Variants in ATP7A observed in about 807,000 individuals in gnomAD.
ATP7A encodes ATPase copper transporting alpha, also known as copper-transporting ATPase 1.
In ATP7A, 7 loss-of-function variants were observed where a neutral mutation model predicts 83.5. The ratio of observed to expected loss-of-function variants is 0.08; its 90% CI spans 0.05 to 0.16. The LOEUF is 0.16. Ranked by LOEUF, ATP7A falls within the 10% of genes least tolerant of loss-of-function variation. The probability of loss-of-function intolerance (pLI) is 1.00; values close to 1 mark genes in which losing one functional copy is unlikely to be tolerated. For synonymous variants in ATP7A, 354 were observed against 395.2 expected (o/e 0.90, Z 1.24); for missense variants, 940 against 1,120.8 (o/e 0.84, Z 2.30).
At chrX:78,016,672 G>A (rs2077866477) in intron 12 of ATP7A, among the ~76,000 whole-genome samples, 1 of 111,636 alleles carries the variant, frequency 9.0e-6, no homozygotes. Context: ...GGGACTACAG[G>A]CCCCATGCAA....
intron 2 of ATP7A, among the ~76,000 whole-genome samples, chrX:77,982,865 A>G (rs2077612261): frequency 8.9e-6 from 1 of 112,004 alleles, no homozygotes; most frequent in African/African-American, 3.2e-5. Flanking sequence ...CAGCTATAAG[A>G]AAATACCATA....
intron 1 of ATP7A, chrX:77,962,711 G>C (rs1189118373): frequency 1.3e-5 from 5 of 384,872 alleles, no homozygotes; most frequent in African/African-American, 2.6e-5. Context: ...TAGACCTGCT[G>C]GAGGAAGTGG....
chrX:78,021,098 C>A lies in ATP7A; in HGVS notation c.2916+19C>A. The stretch of plus-strand genomic sequence containing the variant: ...CTTTCCTGTAAGTGACTTGTAATAA[C>A]TCGTTACTATATGCAGAACAATTTG... On this transcript the variant is annotated intron_variant, in intron 14 of 22. Transcript: ENST00000341514. The A allele has an allele frequency of 8.4e-7, 1 of 1,189,980 alleles. No individual in the cohort carries two copies. Among genetic ancestry groups the A allele is most frequent in the Non-Finnish European group, 1.1e-6 (1 of 878,720 alleles).
At chrX:78,035,789 G>A (rs2078009851) in intron 17 of ATP7A, among the ~76,000 whole-genome samples, 2 of 111,470 alleles carry the variant, frequency 1.8e-5, no homozygotes, top group African/African-American at 6.5e-5. Context: ...CATCTATCTC[G>A]TGAACTTACG....
chrX:78,031,280 T>C, intron 15 of ATP7A, 120 bp from the exon 16 acceptor site: 1 of 696,375 alleles, frequency 1.4e-6, no homozygotes, highest in Non-Finnish European at 2.2e-6. Flanking sequence ...TCAAATTAAG[T>C]CAAAGGTCAG....
intron 2 of ATP7A, among the ~76,000 whole-genome samples, chrX:77,986,530 C>G (rs1479886097): frequency 9.0e-6 from 1 of 111,667 alleles, no homozygotes; most frequent in African/African-American, 3.3e-5. Context: ...TTTCCCTCCA[C>G]TTTAACCTCT....
At chrX:78,010,834 C>T (rs1433332736) in intron 7 of ATP7A, among the ~76,000 whole-genome samples, 1 of 110,159 alleles carries the variant, frequency 9.1e-6, no homozygotes, top group Non-Finnish European at 1.9e-5. Flanking sequence ...CCACCTTGGC[C>T]TCCCAAAGTG....
intron 3 of ATP7A, 63 bp from the exon 4 acceptor site, chrX:77,989,170 C>T: frequency 1.9e-6 from 2 of 1,074,932 alleles, no homozygotes; most frequent in Non-Finnish European, 2.5e-6. Flanking sequence ...ATTTAGAAAA[C>T]AGAATGTTTT....
chrX:77,957,749 GTAGTTTCA>G (rs1557227569), intron 1 of ATP7A, among the ~76,000 whole-genome samples: 1 of 110,460 alleles, frequency 9.1e-6, no homozygotes, highest in South Asian at 3.8e-4. Context: ...TTTTTTTTTA[GTAGTTTCA>G]TAGTTTCAGA....
chrX:78,010,249 G>A (rs1169080559), intron 7 of ATP7A, among the ~76,000 whole-genome samples: 1 of 112,138 alleles, frequency 8.9e-6, no homozygotes, highest in Admixed American at 9.5e-5. Flanking sequence ...GTTAAGAGAA[G>A]TTAAGTTACT....
At chrX:77,960,464 G>A (rs1466821986) in intron 1 of ATP7A, among the ~76,000 whole-genome samples, 1 of 112,574 alleles carries the variant, frequency 8.9e-6, no homozygotes, top group Non-Finnish European at 1.9e-5. Flanking sequence ...TGATTATTGA[G>A]AATACAGGAG....
intron 12 of ATP7A, among the ~76,000 whole-genome samples, chrX:78,017,516 G>A (rs1301723442): frequency 8.9e-6 from 1 of 111,783 alleles, no homozygotes; most frequent in Non-Finnish European, 1.9e-5. Flanking sequence ...CTTTTCTATT[G>A]CATTGTCAGG....
chrX:78,010,570 C>CTTTTT (rs5902761), intron 7 of ATP7A, among the ~76,000 whole-genome samples: 3 of 51,589 alleles, frequency 5.8e-5, no homozygotes, highest in Non-Finnish European at 9.7e-5. Context: ...ATGGTGCTAG[C>CTTTTT]TTTTTTTTTT....
chrX:77,971,138 G>A (rs2077544261), intron 1 of ATP7A, among the ~76,000 whole-genome samples: 1 of 111,901 alleles, frequency 8.9e-6, no homozygotes, highest in African/African-American at 3.3e-5. Flanking sequence ...ACAGCCAGGA[G>A]GCCAGTATGA....
At chrX:78,012,157 T>C in intron 9 of ATP7A, among the ~76,000 whole-genome samples, 1 of 111,469 alleles carries the variant, frequency 9.0e-6, no homozygotes, top group Admixed American at 9.6e-5. Flanking sequence ...AGTTCATTAC[T>C]TTCTGTATGT....
intron 1 of ATP7A, among the ~76,000 whole-genome samples, chrX:77,925,263 G>A (rs2077235614): frequency 9.0e-6 from 1 of 111,410 alleles, no homozygotes; most frequent in Non-Finnish European, 1.9e-5. Context: ...CTCCCAATAT[G>A]TTAACTGCTT....
chrX:78,020,547 C>G, intron 13 of ATP7A, 149 bp downstream of exon 13: 1 of 691,498 alleles, frequency 1.4e-6, no homozygotes, highest in Non-Finnish European at 2.2e-6. Flanking sequence ...GGGTCTCACT[C>G]TGTTGCACAG....
chrX:77,944,683 T>C (rs1557225987), intron 1 of ATP7A, among the ~76,000 whole-genome samples: 3 of 109,596 alleles, frequency 2.7e-5, no homozygotes, highest in Non-Finnish European at 5.7e-5. Flanking sequence ...GTGATCCTCC[T>C]GTGCCCGGCC....
At chrX:78,018,912 T>C (rs192098559) in intron 12 of ATP7A, among the ~76,000 whole-genome samples, 1 of 111,254 alleles carries the variant, frequency 9.0e-6, no homozygotes, top group Admixed American at 9.6e-5. Flanking sequence ...CAGACACTTA[T>C]AAAACCATCA....
Sources: allele counts gnomAD v4.1 joint callset (sites outside exome capture counted in the v4.1 genomes callset), GRCh38; gene constraint gnomAD v4.1.1; transcripts MANE v1.5; gene names NCBI Gene and HGNC (gene_info 2026-07-23, HGNC 2026-07-21).